Variants in GPC5 observed in about 807,000 individuals in gnomAD.
GPC5 encodes the protein glypican-5.
In GPC5, 47 loss-of-function variants were observed where a neutral mutation model predicts 53.9. That is an observed-to-expected ratio of 0.87 (90% CI 0.69 to 1.11). The LOEUF (loss-of-function observed/expected upper bound fraction) is 1.11, where lower values mean the gene tolerates loss of function less well. Among genes scored for constraint, GPC5 ranks in the 50% most tolerant of loss-of-function variants. GPC5 has a pLI of 0.00. For missense variants in GPC5, 748 were observed against 713.1 expected, an observed-to-expected ratio of 1.05 and a Z score of -0.56; for synonymous variants, 286 against 263.3, an observed-to-expected ratio of 1.09 and a Z score of -0.84.
At chr13:91,728,780 A>G in intron 4 of GPC5, 115 bp downstream of exon 4, 3 of 1,021,604 alleles carry the variant, frequency 2.9e-6, no homozygotes, top group Non-Finnish European at 2.7e-6. Context: ...AAAAAAAAAA[A>G]GGATCAATAT....
chr13:91,829,796 C>T (rs1362354347), intron 5 of GPC5, among the ~76,000 whole-genome samples: 2 of 152,026 alleles, frequency 1.3e-5, no homozygotes, highest in Non-Finnish European at 2.9e-5. Flanking sequence ...AGCCATAAAA[C>T]CAGCAAGTTT....
intron 7 of GPC5, among the ~76,000 whole-genome samples, chr13:92,285,628 C>A (rs930323438): frequency 6.6e-6 from 1 of 152,116 alleles, no homozygotes; most frequent in Non-Finnish European, 1.5e-5. Context: ...CTGACAAAAA[C>A]AAGCAATGGG....
At chr13:92,464,669 G>A (rs1392201583) in intron 7 of GPC5, among the ~76,000 whole-genome samples, 1 of 151,706 alleles carries the variant, frequency 6.6e-6, no homozygotes, top group Non-Finnish European at 1.5e-5. Flanking sequence ...AATTTTAAAG[G>A]TACATTTTGC....
chr13:91,588,926 A>G (rs536613136), intron 2 of GPC5, among the ~76,000 whole-genome samples: 1 of 152,268 alleles, frequency 6.6e-6, no homozygotes, highest in African/African-American at 2.4e-5. Context: ...TGCATACTGT[A>G]TGGATTTTAC....
intron 7 of GPC5, among the ~76,000 whole-genome samples, chr13:92,811,943 G>A (rs1157978004): frequency 6.6e-6 from 1 of 151,818 alleles, no homozygotes; most frequent in Non-Finnish European, 1.5e-5. Context: ...GAACTCAATT[G>A]TATTCCATTA....
intron 2 of GPC5, among the ~76,000 whole-genome samples, chr13:91,688,548 G>T (rs1209574170): frequency 6.6e-6 from 1 of 152,012 alleles, no homozygotes; most frequent in Non-Finnish European, 1.5e-5. Context: ...AAAAACTAAT[G>T]CAATAAATTA....
chr13:92,277,334 T>C, intron 7 of GPC5, among the ~76,000 whole-genome samples: 1 of 152,150 alleles, frequency 6.6e-6, no homozygotes. Context: ...TTACAGGCCA[T>C]ATTCTTCGTT....
At chr13:91,691,354 A>G (rs1457458042) in intron 2 of GPC5, among the ~76,000 whole-genome samples, 1 of 152,186 alleles carries the variant, frequency 6.6e-6, no homozygotes, top group Non-Finnish European at 1.5e-5. Flanking sequence ...AGACCTGACA[A>G]TCTGTATTTT....
At chr13:92,792,256 C>A (rs1876492058) in intron 7 of GPC5, among the ~76,000 whole-genome samples, 1 of 151,980 alleles carries the variant, frequency 6.6e-6, no homozygotes, top group African/African-American at 2.4e-5. Flanking sequence ...GGCCAATATT[C>A]ACATTCTTAA....
At chr13:92,011,268 T>C (rs1487121118) in intron 6 of GPC5, among the ~76,000 whole-genome samples, 2 of 152,172 alleles carry the variant, frequency 1.3e-5, no homozygotes, top group Non-Finnish European at 2.9e-5. Context: ...GACGAATTGG[T>C]CCATAAGTAT....
intron 7 of GPC5, among the ~76,000 whole-genome samples, chr13:92,722,573 C>A (rs1246351177): frequency 6.6e-6 from 1 of 151,790 alleles, no homozygotes; most frequent in Non-Finnish European, 1.5e-5. Context: ...GACTGGAAAC[C>A]CTTAAACAGA....
chr13:91,645,269 T>C (rs555349236), intron 2 of GPC5, among the ~76,000 whole-genome samples: 1 of 152,316 alleles, frequency 6.6e-6, no homozygotes, highest in Non-Finnish European at 1.5e-5. Context: ...CAGTATTTTT[T>C]ATCTTGACTT....
intron 7 of GPC5, among the ~76,000 whole-genome samples, chr13:92,457,372 T>C (rs1444928657): frequency 6.6e-6 from 1 of 152,128 alleles, no homozygotes; most frequent in Non-Finnish European, 1.5e-5. Context: ...TAAAAATGTT[T>C]AGCATTATCC....
intron 7 of GPC5, among the ~76,000 whole-genome samples, chr13:92,323,947 GT>G (rs1281394735): frequency 6.6e-6 from 1 of 151,870 alleles, no homozygotes; most frequent in Non-Finnish European, 1.5e-5. Context: ...AGATGAGTTG[GT>G]TTTTAACAGT....
At chr13:92,121,430 GTC>G (rs533865769) in intron 6 of GPC5, among the ~76,000 whole-genome samples, 8 of 152,294 alleles carry the variant, frequency 5.3e-5, no homozygotes, top group Admixed American at 2.6e-4. Flanking sequence ...ATTCAGCTAT[GTC>G]TCACCGAGCC....
intron 7 of GPC5, among the ~76,000 whole-genome samples, chr13:92,656,608 A>G (rs551809711): frequency 1.3e-5 from 2 of 152,182 alleles, no homozygotes; most frequent in African/African-American, 2.4e-5. Context: ...ATGCTTTTCT[A>G]TTCTTTCAAA....
At chr13:92,347,692 G>C (rs901373502) in intron 7 of GPC5, among the ~76,000 whole-genome samples, 1 of 147,612 alleles carries the variant, frequency 6.8e-6, no homozygotes, top group Non-Finnish European at 1.5e-5. Flanking sequence ...AGAATTAAAA[G>C]GCAAAACTAT....
At chr13:92,296,424 C>G (rs1409195050) in intron 7 of GPC5, among the ~76,000 whole-genome samples, 1 of 152,062 alleles carries the variant, frequency 6.6e-6, no homozygotes. Flanking sequence ...GCAGGTCTTG[C>G]TGCTGCTGCT....
At chr13:92,659,618 A>G (rs1886270134) in intron 7 of GPC5, among the ~76,000 whole-genome samples, 1 of 152,152 alleles carries the variant, frequency 6.6e-6, no homozygotes, top group African/African-American at 2.4e-5. Context: ...ATTATAGTCA[A>G]TGTATAAGAC....
Sources: gnomAD v4.1 joint callset for allele counts (sites outside exome capture counted in the v4.1 genomes callset) on GRCh38, gnomAD v4.1.1 for gene constraint, MANE v1.5 for transcripts, NCBI Gene and HGNC (gene_info 2026-07-23, HGNC 2026-07-21) for gene names.